L3MBTL4: variants seen among roughly 807,000 people sequenced by gnomAD.
L3MBTL4 encodes lethal(3)malignant brain tumor-like protein 4.
L3MBTL4 carries 70 observed loss-of-function variants against 84.5 expected under a neutral mutation model. The observed-to-expected ratio is 0.83, with a 90% CI of 0.68 to 1.01. The LOEUF is 1.01. Among genes scored for constraint, L3MBTL4 ranks in the 50% least tolerant of loss-of-function variants. The probability of loss-of-function intolerance (pLI) is 0.00; values close to 1 mark genes in which losing one functional copy is unlikely to be tolerated. For missense variants in L3MBTL4, 715 were observed against 754.8 expected (o/e 0.95, Z 0.62); for synonymous variants, 274 against 259.8 (o/e 1.05, Z -0.52).
chr18:6,355,930 C>T (rs753765979), intron 1 of L3MBTL4, among the ~76,000 whole-genome samples: 1 of 152,102 alleles, frequency 6.6e-6, no homozygotes, highest in African/African-American at 2.4e-5. Context: ...TGATTCATCC[C>T]CAGCAGGGTT....
intron 13 of L3MBTL4, among the ~76,000 whole-genome samples, chr18:6,142,006 C>A (rs1183595214): frequency 1.3e-5 from 2 of 152,214 alleles, no homozygotes; most frequent in Admixed American, 6.5e-5. Context: ...TACATCAGGG[C>A]ATTTGCATGC....
At chr18:6,188,980 A>C (rs1347068251) in intron 12 of L3MBTL4, among the ~76,000 whole-genome samples, 1 of 152,208 alleles carries the variant, frequency 6.6e-6, no homozygotes, top group Non-Finnish European at 1.5e-5. Context: ...CCATAACAAA[A>C]TTACCACAAA....
intron 16 of L3MBTL4, among the ~76,000 whole-genome samples, chr18:6,003,838 A>G (rs2054337686): frequency 6.6e-6 from 1 of 152,166 alleles, no homozygotes; most frequent in Non-Finnish European, 1.5e-5. Flanking sequence ...ACAAATTTAC[A>G]TAAAAACACC....
intron 1 of L3MBTL4, among the ~76,000 whole-genome samples, chr18:6,330,556 G>GAATATT (rs2051978713): frequency 6.6e-6 from 1 of 152,162 alleles, no homozygotes; most frequent in African/African-American, 2.4e-5. Flanking sequence ...ACATGGGTCC[G>GAATATT]CCTGAATAAT....
chr18:6,192,269 A>G (rs2045144098), intron 12 of L3MBTL4, among the ~76,000 whole-genome samples: 1 of 152,176 alleles, frequency 6.6e-6, no homozygotes, highest in South Asian at 2.1e-4. Flanking sequence ...GGCAGACATA[A>G]TACCATATTT....
chr18:6,017,938 G>A (rs2055073978), intron 16 of L3MBTL4: 1 of 152,144 alleles, frequency 6.6e-6, no homozygotes, highest in Non-Finnish European at 1.5e-5. Flanking sequence ...TCTTGGAGTT[G>A]ACTGGACAGC....
rs185241924 is a variant in L3MBTL4, at chr18:5,983,695, G to A, written c.1445-14133C>T. On this transcript the variant is annotated intron_variant, in intron 16 of 18. Coordinates refer to ENST00000317931, the MANE Select transcript of L3MBTL4 (RefSeq NM_001330559.2). ...ACTGAGCACAGGATTGAGGAGTGAC[G>A]GAACACAATGGCAGTGATGAAAACC... Among the ~76,000 whole-genome samples, 166 of 152,234 alleles carry A rather than the reference G, an allele frequency of 1.1e-3. 2 individuals carry two copies. Among genetic ancestry groups the A allele is most frequent in the East Asian group, 1.5e-3 (8 of 5,172 alleles).
At chr18:6,349,397 T>G (rs2053071820) in intron 1 of L3MBTL4, among the ~76,000 whole-genome samples, 2 of 152,192 alleles carry the variant, frequency 1.3e-5, no homozygotes, top group Non-Finnish European at 2.9e-5. Flanking sequence ...CACTGAATCT[T>G]AGAGACATTA....
Position 6,165,892 on chromosome 18 carries a change from G to C in L3MBTL4, c.1096+5936C>G, listed in dbSNP as rs191838296. ...TTAAAAGACACAGACTGGCAAATTG[G>C]ATAAACAGTCAAGACCCATCAGTGT... is the stretch of plus-strand genomic sequence containing the variant. On this transcript the variant is annotated intron_variant, in intron 13 of 18. Coordinates refer to ENST00000317931, the MANE Select transcript of L3MBTL4 (RefSeq NM_001330559.2). Among the ~76,000 whole-genome samples, 570 of 152,236 alleles carry C rather than the reference G, an allele frequency of 3.7e-3. 2 individuals carry two copies. The highest frequency in any genetic ancestry group is 0.013 in the African/African-American group (535 of 41,532).
intron 14 of L3MBTL4, among the ~76,000 whole-genome samples, chr18:6,136,394 C>A (rs990123140): frequency 6.6e-6 from 1 of 152,116 alleles, no homozygotes; most frequent in African/African-American, 2.4e-5. Context: ...AAAAGAAAAC[C>A]CCCAACTTTC....
intron 16 of L3MBTL4, among the ~76,000 whole-genome samples, chr18:6,027,449 G>C (rs1222835758): frequency 1.3e-5 from 2 of 152,172 alleles, no homozygotes; most frequent in African/African-American, 4.8e-5. Context: ...ATGGACATTT[G>C]GGTTGGTTCT....
chr18:6,326,395 T>G (rs984116286), intron 1 of L3MBTL4: 1 of 152,300 alleles, frequency 6.6e-6, no homozygotes, highest in African/African-American at 2.4e-5. Flanking sequence ...CCATTTCTTC[T>G]GCTGCTGAAG....
At chr18:6,138,122 G>A (rs2060082086) in intron 14 of L3MBTL4, 72 bp downstream of exon 14, 3 of 999,838 alleles carry the variant, frequency 3.0e-6, no homozygotes, top group Non-Finnish European at 3.1e-6. Flanking sequence ...CATTTATGAT[G>A]CTCCATGTAG....
intron 18 of L3MBTL4, among the ~76,000 whole-genome samples, chr18:5,958,154 GAAGA>G (rs2095243476): frequency 9.1e-5 from 6 of 66,294 alleles, no homozygotes; most frequent in African/African-American, 3.5e-4. Context: ...AGAAGAAGAA[GAAGA>G]ACAAGAAGAA....
At chr18:6,336,345 G>A (rs1370152189) in intron 1 of L3MBTL4, among the ~76,000 whole-genome samples, 3 of 152,114 alleles carry the variant, frequency 2.0e-5, no homozygotes, top group Non-Finnish European at 4.4e-5. Context: ...CAGAGTTTAC[G>A]TGATCTTCGG....
intron 13 of L3MBTL4, among the ~76,000 whole-genome samples, chr18:6,138,616 A>G (rs1191516426): frequency 6.6e-6 from 1 of 152,028 alleles, no homozygotes; most frequent in Non-Finnish European, 1.5e-5. Context: ...GCAGTGGCGC[A>G]TCTCGGCTCA....
chr18:5,972,892 G>GAAT (rs2052715462), intron 16 of L3MBTL4, among the ~76,000 whole-genome samples: 7 of 132,034 alleles, frequency 5.3e-5, no homozygotes, highest in South Asian at 2.5e-4. Flanking sequence ...TAGAACAGAA[G>GAAT]AGAATAGAAT....
chr18:6,131,769 T>C (rs1337605730), intron 14 of L3MBTL4, among the ~76,000 whole-genome samples: 3 of 152,192 alleles, frequency 2.0e-5, no homozygotes, highest in African/African-American at 7.2e-5. Flanking sequence ...ATGTATATAA[T>C]ATTCTCAAAA....
At chr18:6,163,885 C>A (rs1344668883) in intron 13 of L3MBTL4, among the ~76,000 whole-genome samples, 1 of 152,158 alleles carries the variant, frequency 6.6e-6, no homozygotes, top group Non-Finnish European at 1.5e-5. Context: ...GGCGAGGCAT[C>A]AACTCACCCG....
Sources: allele counts gnomAD v4.1 joint callset (sites outside exome capture counted in the v4.1 genomes callset), GRCh38; gene constraint gnomAD v4.1.1; transcripts MANE v1.5; gene names NCBI Gene and HGNC (gene_info 2026-07-23, HGNC 2026-07-21).